Variants in DYM observed in about 807,000 individuals in gnomAD.
DYM encodes the protein dyggve-Melchior-Clausen syndrome protein.
Under a neutral mutation model 93.1 loss-of-function variants are expected in DYM, and 78 were observed. That is an observed-to-expected ratio of 0.84 (90% CI 0.70 to 1.01). DYM has a LOEUF of 1.01. Among genes scored for constraint, DYM ranks in the 50% least tolerant of loss-of-function variants. The pLI is 0.00. For missense variants in DYM, 789 were observed against 845.0 expected (o/e 0.93, Z 0.82); for synonymous variants, 321 against 319.7 (o/e 1.00, Z -0.04).
intron 15 of DYM, among the ~76,000 whole-genome samples, chr18:49,142,161 AAT>A (rs1224533210): frequency 6.6e-6 from 1 of 151,948 alleles, no homozygotes; most frequent in Non-Finnish European, 1.5e-5. Flanking sequence ...GCGCCTGGCC[AAT>A]ATGTTTTAAA....
intron 14 of DYM, among the ~76,000 whole-genome samples, chr18:49,196,971 C>T (rs2091512370): frequency 6.6e-6 from 1 of 152,026 alleles, no homozygotes; most frequent in Non-Finnish European, 1.5e-5. Context: ...GGATAGAGAA[C>T]TGAAATGGAT....
chr18:49,419,218 G>C (rs2073352882), intron 2 of DYM, among the ~76,000 whole-genome samples: 1 of 152,056 alleles, frequency 6.6e-6, no homozygotes, highest in African/African-American at 2.4e-5. Flanking sequence ...AAATTAGCCA[G>C]GCGTGATGGC....
At chr18:49,092,577 C>T (rs1477661405) in intron 17 of DYM, among the ~76,000 whole-genome samples, 1 of 152,182 alleles carries the variant, frequency 6.6e-6, no homozygotes, top group Non-Finnish European at 1.5e-5. Context: ...ACTTCTGTTT[C>T]CCCAACGTCC....
At chr18:49,328,324 T>C (rs2063053269) in intron 8 of DYM, among the ~76,000 whole-genome samples, 1 of 152,150 alleles carries the variant, frequency 6.6e-6, no homozygotes, top group African/African-American at 2.4e-5. Context: ...GCAAAGGAAG[T>C]TCTTCATGGA....
At chr18:49,098,109 C>G in intron 16 of DYM, among the ~76,000 whole-genome samples, 1 of 152,138 alleles carries the variant, frequency 6.6e-6, no homozygotes, top group East Asian at 1.9e-4. Flanking sequence ...TCTGGAAATA[C>G]ACGGTCCCTA....
At chr18:49,375,156 T>C (rs2067373225) in intron 5 of DYM, among the ~76,000 whole-genome samples, 1 of 148,650 alleles carries the variant, frequency 6.7e-6, no homozygotes, top group Non-Finnish European at 1.5e-5. Flanking sequence ...CCTAAACACC[T>C]GGGGCTCTCA....
chr18:49,081,209 G>C (rs1324674112), intron 17 of DYM, among the ~76,000 whole-genome samples: 2 of 150,380 alleles, frequency 1.3e-5, no homozygotes, highest in Non-Finnish European at 3.0e-5. Flanking sequence ...TCCAGCCTGG[G>C]CACCATTGAG....
At chr18:49,441,107 TAATATAA>T (rs1299495721) in intron 1 of DYM, among the ~76,000 whole-genome samples, 2 of 7,444 alleles carry the variant, frequency 2.7e-4, no homozygotes, top group African/African-American at 3.1e-4. Context: ...AAATATATAT[TAATATAA>T]ATATATTATA....
intron 15 of DYM, among the ~76,000 whole-genome samples, chr18:49,139,846 C>T (rs572856109): frequency 4.6e-5 from 7 of 152,094 alleles, no homozygotes; most frequent in Non-Finnish European, 1.0e-4. Flanking sequence ...TCTCAGAACA[C>T]GATGAATCCT....
intron 13 of DYM, among the ~76,000 whole-genome samples, chr18:49,254,372 G>A (rs1253037150): frequency 6.7e-6 from 1 of 148,226 alleles, no homozygotes; most frequent in East Asian, 2.1e-4. Context: ...TGAAATGCAA[G>A]CTGCTTGAGG....
chr18:49,080,283 C>T (rs1207153364), intron 17 of DYM, among the ~76,000 whole-genome samples: 7 of 132,486 alleles, frequency 5.3e-5, no homozygotes, highest in Admixed American at 2.9e-4. Context: ...GTAGGGGCGG[C>T]GGGGCAGAGG....
rs1004669246 is a variant in DYM, at chr18:49,037,018, C to T, written c.*7037G>A. 1.3e-5 allele frequency among the ~76,000 whole-genome samples: 2 copies of T among 152,244 alleles called. No individual in the cohort carries two copies. Among genetic ancestry groups the T allele is most frequent in the South Asian group, 2.1e-4 (1 of 4,816 alleles). ...CCAGGTTCAAGCAATTCTCTTGCCT[C>T]AGCCTCCTGCGTAGCTGGGACTACA... On this transcript the variant is annotated 3_prime_UTR_variant, in exon 18 of 18. Coordinates refer to ENST00000675505, the MANE Select transcript of DYM (RefSeq NM_001353214.3).
intron 14 of DYM, among the ~76,000 whole-genome samples, chr18:49,198,678 A>T (rs1367085458): frequency 6.6e-6 from 1 of 151,244 alleles, no homozygotes; most frequent in Non-Finnish European, 1.5e-5. Flanking sequence ...CCACAATGAG[A>T]TACCATCTCA....
intron 2 of DYM, among the ~76,000 whole-genome samples, chr18:49,403,210 C>T (rs1001240624): frequency 6.6e-6 from 1 of 152,134 alleles, no homozygotes; most frequent in African/African-American, 2.4e-5. Context: ...GAGTATAAAA[C>T]ATCATTTAGT....
intron 13 of DYM, among the ~76,000 whole-genome samples, chr18:49,223,703 G>C (rs2093436910): frequency 6.6e-6 from 1 of 151,912 alleles, no homozygotes; most frequent in African/African-American, 2.4e-5. Context: ...GATAGGTAAG[G>C]GAAAGTTTCC....
intron 6 of DYM, among the ~76,000 whole-genome samples, chr18:49,336,192 C>A (rs1048569316): frequency 6.6e-6 from 1 of 152,182 alleles, no homozygotes; most frequent in African/African-American, 2.4e-5. Flanking sequence ...CTGTATGCCT[C>A]AGATCTAGAA....
chr18:49,398,429 G>A (rs903486212), intron 2 of DYM, among the ~76,000 whole-genome samples: 2 of 152,148 alleles, frequency 1.3e-5, no homozygotes, highest in African/African-American at 4.8e-5. Context: ...CCTAGCCCAA[G>A]TCTTAGAGAA....
intron 15 of DYM, among the ~76,000 whole-genome samples, chr18:49,128,278 C>T (rs1266491184): frequency 6.6e-6 from 1 of 152,102 alleles, no homozygotes; most frequent in African/African-American, 2.4e-5. Flanking sequence ...AGGCCCACTG[C>T]CAGCAGAAGA....
At chr18:49,202,216 A>G (rs986378603) in intron 14 of DYM, among the ~76,000 whole-genome samples, 3 of 152,156 alleles carry the variant, frequency 2.0e-5, no homozygotes, top group Non-Finnish European at 2.9e-5. Flanking sequence ...TCACTCTTCT[A>G]CTATCTGAAA....
Sources: gnomAD v4.1 joint callset for allele counts (sites outside exome capture counted in the v4.1 genomes callset) on GRCh38, gnomAD v4.1.1 for gene constraint, MANE v1.5 for transcripts, NCBI Gene and HGNC (gene_info 2026-07-23, HGNC 2026-07-21) for gene names.